Variants in FUBP1 observed in about 807,000 individuals in gnomAD.
FUBP1 encodes far upstream element binding protein 1.
Under a neutral mutation model 94.9 loss-of-function variants are expected in FUBP1, and 16 were observed. The observed-to-expected ratio is 0.17, with a 90% confidence interval of 0.11 to 0.26. The LOEUF (loss-of-function observed/expected upper bound fraction) is 0.26. Ranked by LOEUF, FUBP1 falls within the 10% of genes least tolerant of loss-of-function variation. The pLI is 1.00. For synonymous variants in FUBP1, 279 were observed against 254.9 expected, an observed-to-expected ratio of 1.09 and a Z score of -0.90; for missense variants, 583 against 808.6, an observed-to-expected ratio of 0.72 and a Z score of 3.38.
intron 1 of FUBP1, among the ~76,000 whole-genome samples, chr1:77,976,942 C>CGGGG (rs1658710808): frequency 6.6e-6 from 1 of 152,204 alleles, no homozygotes; most frequent in African/African-American, 2.4e-5. Context: ...CAAGTCCCCA[C>CGGGG]ACCTCTGCGC....
At position 77,976,569 on chromosome 1, in the gene FUBP1, C is replaced by A. The variant is rs535211169; in HGVS notation, c.120+2316G>T. On this transcript the variant is annotated intron_variant, in intron 1 of 19. Transcript: ENST00000370768. ...AGTGCAGCAGCGTGATCTCCACTCA[C>A]TGCAACCTCCACTTCCCAGGTTGAA... 3.3e-5 allele frequency among the ~76,000 whole-genome samples: 5 copies of A among 152,202 alleles called. No homozygotes were observed. In the South Asian group the frequency reaches 1.0e-3, roughly 32 times the overall value.
chr1:77,976,520 G>C (rs1219575880), intron 1 of FUBP1, among the ~76,000 whole-genome samples: 4 of 150,794 alleles, frequency 2.7e-5, no homozygotes, highest in Non-Finnish European at 4.4e-5. Context: ...TTTGAGACAG[G>C]GTCTCGCTCT....
intron 17 of FUBP1, 45 bp downstream of exon 17, chr1:77,956,527 C>T (rs774397345): frequency 6.8e-7 from 1 of 1,470,076 alleles, no homozygotes; most frequent in Non-Finnish European, 9.5e-7. Flanking sequence ...TATATAATTC[C>T]AAGCACAACT....
chr1:77,949,036 A>G, intron 19 of FUBP1, 119 bp downstream of exon 19: 6 of 1,022,172 alleles, frequency 5.9e-6, no homozygotes, highest in Non-Finnish European at 9.0e-6. Context: ...CTTCATTTAA[A>G]TAGTTATTAT....
chr1:77,951,120 G>A (rs1029161286), intron 18 of FUBP1, among the ~76,000 whole-genome samples: 1 of 152,174 alleles, frequency 6.6e-6, no homozygotes, highest in Non-Finnish European at 1.5e-5. Context: ...CTCTTACAGG[G>A]TGCACACTTG....
rs1655955374 is a variant in FUBP1, at chr1:77,963,731, G to A, written c.1042-16C>T. 6.3e-7 allele frequency: 1 copy of A among 1,583,584 alleles called. No individual in the cohort carries two copies. The highest frequency in any genetic ancestry group is 8.6e-7 in the Non-Finnish European group (1 of 1,168,114). On this transcript the variant is annotated splice_polypyrimidine_tract_variant and intron_variant, in intron 12 of 19. Transcript: ENST00000370768. ...GATTACCAGCCTATAGAGAGGGAAA[G>A]ACAAGAACGAAGAGTCAGCACAGAA...
chr1:77,952,389 A>G (rs1308180062), intron 18 of FUBP1, among the ~76,000 whole-genome samples: 1 of 151,576 alleles, frequency 6.6e-6, no homozygotes, highest in Non-Finnish European at 1.5e-5. Context: ...TTTTCAGTAA[A>G]TAAGCAAATA....
intron 7 of FUBP1, among the ~76,000 whole-genome samples, chr1:77,966,219 T>C (rs1176016945): frequency 3.3e-5 from 5 of 152,182 alleles, no homozygotes; most frequent in Admixed American, 2.0e-4. Flanking sequence ...AAAAGCTTCT[T>C]ATCATTTGCT....
chr1:77,952,250 A>T (rs1653607615), intron 18 of FUBP1, among the ~76,000 whole-genome samples: 1 of 151,982 alleles, frequency 6.6e-6, no homozygotes, highest in Admixed American at 6.5e-5. Context: ...AAAAAATAAA[A>T]TAAAAAAAAA....
chr1:77,978,139 T>G (rs909268435), intron 1 of FUBP1, among the ~76,000 whole-genome samples: 1 of 152,274 alleles, frequency 6.6e-6, no homozygotes, highest in African/African-American at 2.4e-5. Context: ...AGGTATCTTT[T>G]ATTTTCCTGG....
At chr1:77,957,028 T>C (rs1654593484) in intron 16 of FUBP1, among the ~76,000 whole-genome samples, 1 of 152,118 alleles carries the variant, frequency 6.6e-6, no homozygotes, top group Admixed American at 6.6e-5. Flanking sequence ...TTTTTCTAAA[T>C]TGGTTTCGCC....
chr1:77,975,583 T>G (rs1658447820), intron 1 of FUBP1, among the ~76,000 whole-genome samples: 3 of 152,216 alleles, frequency 2.0e-5, no homozygotes. Context: ...ATAGTCTCGC[T>G]TAGCTAATCA....
Position 77,946,996 on chromosome 1 carries a change from T to C in FUBP1, c.*1770A>G, listed in dbSNP as rs545405001. 2 of 208,294 alleles carry C rather than the reference T, an allele frequency of 9.6e-6. No homozygotes were observed. The highest frequency in any genetic ancestry group is 1.2e-4 in the Admixed American group (2 of 17,106). The allele number at this position is 208,294 out of a possible 1,614,324, so 12.9% of individuals were successfully genotyped here. A position where few individuals can be genotyped will look rare whatever the true frequency, so the allele number is the denominator to read the frequency against. On this transcript the variant is annotated 3_prime_UTR_variant, in exon 20 of 20. Coordinates refer to ENST00000370768, the MANE Select transcript of FUBP1 (RefSeq NM_003902.5). ...TCCTTGTACCTCTTCCTTTAAAGTA[T>C]ATTCAAAACAACAAATGGTGCTCTC... is the stretch of plus-strand genomic sequence containing the variant.
chr1:77,956,768 AC>A (rs547395272), intron 16 of FUBP1, 68 bp from the exon 17 acceptor site: 61 of 1,109,516 alleles, frequency 5.5e-5, no homozygotes, highest in Admixed American at 9.9e-5. Context: ...CACACACACC[AC>A]CCCCCCGCCC....
At chr1:77,969,542 A>G (rs1657126561) in intron 2 of FUBP1, among the ~76,000 whole-genome samples, 1 of 152,132 alleles carries the variant, frequency 6.6e-6, no homozygotes, top group Non-Finnish European at 1.5e-5. Flanking sequence ...AAATAGAAAA[A>G]TGACGAAAAT....
intron 1 of FUBP1, among the ~76,000 whole-genome samples, chr1:77,972,193 T>C (rs1222496632): frequency 6.6e-6 from 1 of 152,118 alleles, no homozygotes; most frequent in African/African-American, 2.4e-5. Flanking sequence ...ATTTGAATTG[T>C]TCCTCAGGAA....
chr1:77,966,143 A>T (rs1656447468), intron 7 of FUBP1, among the ~76,000 whole-genome samples: 1 of 152,280 alleles, frequency 6.6e-6, no homozygotes, highest in Non-Finnish European at 1.5e-5. Flanking sequence ...AAAGGAAAGC[A>T]ATTACCTGAG....
rs564303465 is a variant in FUBP1, at chr1:77,966,707, G to T, written c.460C>A (p.Pro154Thr). Residue 154 changes from proline to threonine, a missense_variant, in exon 7 of 20, where the codon CCT (proline) becomes ACT (threonine). By Grantham distance (38) the Pro-to-Thr change is conservative. Coordinates refer to ENST00000370768, the MANE Select transcript of FUBP1 (RefSeq NM_003902.5). Reference sequence around the variant, plus strand: ...TTTCAAACTTACTGGACAGATTCAGGTGTTCCAGTTAACATACAGGACCTT... The same window carrying T: ...TTTCAAACTTACTGGACAGATTCAGTTGTTCCAGTTAACATACAGGACCTT... ...PERSCMLTGTPESVQSAKRLL... is the reference protein window; with the variant it reads ...PERSCMLTGTTESVQSAKRLL... The T allele has an allele frequency of 6.5e-6, 10 of 1,534,444 alleles. No individual in the cohort carries two copies. The East Asian group carries it at 2.2e-4, about 34-fold the overall frequency.
chr1:77,953,772 GAGTAAAACATAAAA>G (rs1223346572), intron 18 of FUBP1, among the ~76,000 whole-genome samples: 13 of 151,960 alleles, frequency 8.6e-5, no homozygotes, highest in African/African-American at 2.4e-5. Context: ...CACTCATTTT[GAGTAAAACATAAAA>G]AGTAAAACAA....
Sources: gnomAD v4.1 joint callset for allele counts (sites outside exome capture counted in the v4.1 genomes callset) on GRCh38, gnomAD v4.1.1 for gene constraint, MANE v1.5 for transcripts, NCBI Gene and HGNC (gene_info 2026-07-23, HGNC 2026-07-21) for gene names.